BRAF: variants seen among roughly 807,000 people sequenced by gnomAD.
The protein encoded by BRAF is serine/threonine-protein kinase B-raf.
BRAF carries 16 observed loss-of-function variants against 104.6 expected under a neutral mutation model. The observed-to-expected ratio is 0.15, with a 90% CI of 0.10 to 0.23. BRAF has a LOEUF of 0.23. BRAF is among the 10% of genes least tolerant of loss of function. The pLI is 1.00. For missense variants in BRAF, 541 were observed against 937.3 expected, an observed-to-expected ratio of 0.58 and a Z score of 5.52; for synonymous variants, 310 against 341.6, an observed-to-expected ratio of 0.91 and a Z score of 1.02.
intron 2 of BRAF, chr7:140,835,126 C>T: frequency 4.6e-6 from 2 of 438,604 alleles, no homozygotes; most frequent in South Asian, 7.3e-5. Flanking sequence ...TCTAGATGGT[C>T]CATGAATAAT....
chr7:140,787,027 C>T (rs1305158845), intron 9 of BRAF, among the ~76,000 whole-genome samples: 1 of 152,078 alleles, frequency 6.6e-6, no homozygotes, highest in Non-Finnish European at 1.5e-5. Context: ...TTTGGCCGGG[C>T]GCGGTGGCTC....
chr7:140,716,616 T>C (rs749752753), downstream of BRAF, among the ~76,000 whole-genome samples: 1 of 152,230 alleles, frequency 6.6e-6, no homozygotes, highest in Non-Finnish European at 1.5e-5. Flanking sequence ...CCTCTCTTCC[T>C]GATGAGCAGC....
Position 140,723,812 on chromosome 7 carries a change from A to T in BRAF, c.*2682T>A, listed in dbSNP as rs1411800476. 9.6e-7 allele frequency: 1 copy of T among 1,046,906 alleles called. No individual in the cohort carries two copies. The highest frequency in any genetic ancestry group is 5.5e-5 in the Admixed American group (1 of 18,030). 64.9% of individuals were successfully genotyped at this position (1,046,906 alleles called of 1,614,324 possible). ...TGACGCAGCCACATACTGTCTATACAATTACTCATAAAGTGCTTTTCACAA... is the reference window on the plus strand; with the variant it reads ...TGACGCAGCCACATACTGTCTATACTATTACTCATAAAGTGCTTTTCACAA... On this transcript the variant is annotated 3_prime_UTR_variant, in exon 20 of 20. Coordinates refer to ENST00000644969, the MANE Select transcript of BRAF (RefSeq NM_001374258.1).
At chr7:140,859,417 G>A (rs1467707769) in intron 1 of BRAF, among the ~76,000 whole-genome samples, 1 of 152,112 alleles carries the variant, frequency 6.6e-6, no homozygotes, top group Admixed American at 6.5e-5. Context: ...ACATCTATAT[G>A]GGGATAACAG....
At chr7:140,874,259 T>C (rs1244298037) in intron 1 of BRAF, among the ~76,000 whole-genome samples, 2 of 149,796 alleles carry the variant, frequency 1.3e-5, no homozygotes, top group Admixed American at 6.7e-5. Context: ...TGGAGTGCAG[T>C]GGCGCGACCT....
chr7:140,751,855 T>C (rs927874018), intron 16 of BRAF, among the ~76,000 whole-genome samples: 4 of 152,224 alleles, frequency 2.6e-5, no homozygotes, highest in African/African-American at 9.6e-5. Flanking sequence ...CTTTTCTGTT[T>C]CCAGCAGGGT....
intron 14 of BRAF, among the ~76,000 whole-genome samples, chr7:140,757,316 A>G (rs1398170459): frequency 6.6e-6 from 1 of 151,880 alleles, no homozygotes; most frequent in African/African-American, 2.4e-5. Flanking sequence ...TTTGAGACAG[A>G]GTCTCACTCT....
intron 9 of BRAF, 36 bp downstream of exon 9, chr7:140,787,512 C>T (rs2129031500): frequency 6.3e-7 from 1 of 1,589,304 alleles, no homozygotes; most frequent in Non-Finnish European, 8.6e-7. Flanking sequence ...TTGCAGTTTC[C>T]TTGAGTTTTT....
chr7:140,871,624 A>G (rs1428623528), intron 1 of BRAF, among the ~76,000 whole-genome samples: 1 of 152,218 alleles, frequency 6.6e-6, no homozygotes, highest in African/African-American at 2.4e-5. Flanking sequence ...CATAAAAAAC[A>G]GACATGCAAT....
intron 1 of BRAF, among the ~76,000 whole-genome samples, chr7:140,922,148 A>G (rs1818291503): frequency 6.6e-6 from 1 of 152,228 alleles, no homozygotes; most frequent in Non-Finnish European, 1.5e-5. Context: ...GTTCACCACT[A>G]AACATTAAAA....
intron 1 of BRAF, among the ~76,000 whole-genome samples, chr7:140,919,321 A>G (rs1336849877): frequency 6.6e-6 from 1 of 152,170 alleles, no homozygotes; most frequent in East Asian, 1.9e-4. Context: ...CCGATGTTAC[A>G]GAGCTTCCAG....
intron 14 of BRAF, 27 bp downstream of exon 13, chr7:140,776,885 A>T (rs766753485): frequency 6.2e-7 from 1 of 1,600,604 alleles, no homozygotes; most frequent in Non-Finnish European, 8.6e-7. Flanking sequence ...AAAATAATTT[A>T]CAAGACATTT....
In BRAF at chr7:140,748,985, A is replaced by G. The variant is rs752275102; in HGVS notation, c.2112+302T>C. On this transcript the variant is annotated intron_variant, in intron 17 of 19. Coordinates refer to ENST00000644969, the MANE Select transcript of BRAF (RefSeq NM_001374258.1). ...GTGAAAAGTATAATGCCCAGATGCT[A>G]TAGTAGCAGAGCTCATTCTTCTAAT... 55 of 352,510 alleles carry G rather than the reference A, an allele frequency of 1.6e-4. 1 individual carries two copies. The highest frequency in any genetic ancestry group is 2.7e-4 in the Non-Finnish European group (50 of 186,648). The allele number at this position is 352,510 out of a possible 1,614,324, so 21.8% of individuals were successfully genotyped here.
chr7:140,787,445 TTC>T lies in BRAF; in HGVS notation c.1177+101_1177+102del, dbSNP rs541849118. On this transcript the variant is annotated intron_variant, in intron 9 of 19. Coordinates refer to ENST00000644969, the MANE Select transcript of BRAF (RefSeq NM_001374258.1). Reference sequence around the variant, plus strand: ...AAATTTTGGGTTTCTCTACACATTTTTCTCTGTGTCTGTTACTTGAAAGAGGC... The same window carrying T: ...AAATTTTGGGTTTCTCTACACATTTTTCTGTGTCTGTTACTTGAAAGAGGC... 1.6e-4 allele frequency: 204 copies of T among 1,276,600 alleles called. No homozygotes were observed. In the African/African-American group the frequency reaches 2.5e-3, roughly 16 times the overall value. 79.1% of individuals were successfully genotyped at this position (1,276,600 alleles called of 1,614,324 possible).
chr7:140,883,715 C>T (rs1020550763), intron 1 of BRAF, among the ~76,000 whole-genome samples: 1 of 152,196 alleles, frequency 6.6e-6, no homozygotes, highest in Admixed American at 6.5e-5. Context: ...TATCCACAGA[C>T]CTCTCTGCTC....
At chr7:140,771,020 T>C (rs1286426883) in intron 14 of BRAF, among the ~76,000 whole-genome samples, 1 of 151,934 alleles carries the variant, frequency 6.6e-6, no homozygotes, top group Non-Finnish European at 1.5e-5. Context: ...TTATCTACCA[T>C]TAGAACAGCT....
chr7:140,746,838 A>G (rs1483084687), intron 17 of BRAF, among the ~76,000 whole-genome samples: 1 of 151,772 alleles, frequency 6.6e-6, no homozygotes, highest in African/African-American at 2.4e-5. Flanking sequence ...TTGGAAAAAA[A>G]AAAAAAGAAA....
chr7:140,918,767 C>T (rs890762854), intron 1 of BRAF, among the ~76,000 whole-genome samples: 3 of 152,122 alleles, frequency 2.0e-5, no homozygotes, highest in African/African-American at 7.2e-5. Context: ...TACCTATGTG[C>T]CAGGTACTAT....
chr7:140,784,921 A>C (rs570558748), intron 10 of BRAF, among the ~76,000 whole-genome samples: 1 of 152,304 alleles, frequency 6.6e-6, no homozygotes, highest in South Asian at 2.1e-4. Flanking sequence ...TGCTGGGATT[A>C]CAGGCGTGAG....
Sources: allele counts gnomAD v4.1 joint callset (sites outside exome capture counted in the v4.1 genomes callset), GRCh38; gene constraint gnomAD v4.1.1; transcripts MANE v1.5; gene names NCBI Gene and HGNC (gene_info 2026-07-23, HGNC 2026-07-21).